The following QSOX1 variants were observed in gnomAD, a reference collection of about 807,000 sequenced individuals.
The protein encoded by QSOX1 is sulfhydryl oxidase 1.
In QSOX1, 40 loss-of-function variants were observed where a neutral mutation model predicts 76.1. That is an observed-to-expected ratio of 0.53 (90% CI 0.41 to 0.68). QSOX1 has a LOEUF of 0.68. QSOX1 is among the 30% of genes least tolerant of loss of function. QSOX1 has a pLI of 0.00. For synonymous variants in QSOX1, 392 were observed against 413.1 expected, an observed-to-expected ratio of 0.95 and a Z score of 0.62; for missense variants, 931 against 974.3, an observed-to-expected ratio of 0.96 and a Z score of 0.59.
chr1:180,186,118 G>C lies in QSOX1; in HGVS notation c.953G>C (p.Arg318Thr), dbSNP rs775364886. The C allele has an allele frequency of 6.2e-7, 1 of 1,614,240 alleles. No homozygotes were observed. The highest frequency in any genetic ancestry group is 8.5e-7 in the Non-Finnish European group (1 of 1,180,032). The change falls in exon 8 of 12, where the codon AGG becomes ACG. Residue 318 changes from arginine to threonine, a missense_variant. Physicochemically the swap from Arg to Thr is moderately conservative, Grantham distance 71. Coordinates refer to ENST00000367602, the MANE Select transcript of QSOX1 (RefSeq NM_002826.5). ...LHYILRIEVGRFPVLEGQRLV... is the reference protein window; with the variant it reads ...LHYILRIEVGTFPVLEGQRLV... ...TACATCCTGCGGATAGAAGTGGGCA[G>C]GTTCCCGGTCCTGGAAGGGCAGCGC...
At chr1:180,179,670 G>A (rs1662981480) in intron 5 of QSOX1, among the ~76,000 whole-genome samples, 1 of 152,236 alleles carries the variant, frequency 6.6e-6, no homozygotes, top group Non-Finnish European at 1.5e-5. Flanking sequence ...GCCAGTGCAC[G>A]GGAGATACTC....
chr1:180,175,491 C>A, intron 3 of QSOX1, 125 bp downstream of exon 3: 1 of 1,013,186 alleles, frequency 9.9e-7, no homozygotes, highest in Non-Finnish European at 1.6e-6. Context: ...GCGGTCCCCA[C>A]GGGAAGCCTA....
In QSOX1 at chr1:180,180,312, G is replaced by A. The variant is rs990871061; in HGVS notation, c.606+1428G>A. ...TGCAACCTCCACCTCCCAGGTTCAA[G>A]CATTTCTCCTTCCTCAGCCTCCCAA... is the stretch of plus-strand genomic sequence containing the variant. On this transcript the variant is annotated intron_variant, in intron 5 of 11. Transcript: ENST00000367602. Among the ~76,000 whole-genome samples, 6 of 152,316 alleles carry A rather than the reference G, an allele frequency of 3.9e-5. No homozygotes were observed. The East Asian group carries it at 1.2e-3, about 29-fold the overall frequency.
rs1355017690 is a variant in QSOX1, at chr1:180,192,898, A to G, written c.1289-1315A>G. Among the ~76,000 whole-genome samples, 4 of 152,178 alleles carry G rather than the reference A, an allele frequency of 2.6e-5. No homozygotes were observed. In the East Asian group the frequency reaches 7.7e-4, roughly 29 times the overall value. ...ACTGAATCCTGAGCATCAAACCACC[A>G]GCAAAGGAGGCTGAACGGGGGAGGC... is the stretch of plus-strand genomic sequence containing the variant. On this transcript the variant is annotated intron_variant, in intron 10 of 11. Transcript: ENST00000367602.
At chr1:180,189,810 A>G in intron 9 of QSOX1, 136 bp downstream of exon 9, 1 of 955,858 alleles carries the variant, frequency 1.0e-6, no homozygotes, top group Non-Finnish European at 1.5e-6. Flanking sequence ...CCTAACAATA[A>G]TCAATAAATG....
In QSOX1 at chr1:180,178,787, C is replaced by G. The variant is rs374697697; in HGVS notation, c.516-7C>G. On this transcript the variant is annotated splice_polypyrimidine_tract_variant and splice_region_variant and intron_variant, in intron 4 of 11. Transcript: ENST00000367602. ...TGCAGAGTGACTGCCAGAATTGTCT[C>G]TTGCAGGCTGGAGGAGATTGATGGA... 1.2e-6 allele frequency: 2 copies of G among 1,613,040 alleles called. No homozygotes were observed. The highest frequency in any genetic ancestry group is 2.7e-5 in the African/African-American group (2 of 75,030).
Position 180,198,372 on chromosome 1 carries a change from G to T in QSOX1, c.*1335G>T. 2.2e-6 allele frequency: 1 copy of T among 456,748 alleles called. No homozygotes were observed. Among genetic ancestry groups the T allele is most frequent in the Non-Finnish European group, 4.4e-6 (1 of 226,964 alleles). 28.3% of individuals were successfully genotyped at this position (456,748 alleles called of 1,614,324 possible). ...AAGGGCTTGTTTGTCAGAGCTGCAG[G>T]GTTGGCCACTCGGTGGGGAGGAGTC... On this transcript the variant is annotated 3_prime_UTR_variant, in exon 12 of 12. Transcript: ENST00000367602.
rs1468139079 is a variant in QSOX1 at position 180,197,177 on chromosome 1, T to A, written c.*140T>A. On this transcript the variant is annotated 3_prime_UTR_variant, in exon 12 of 12. Transcript: ENST00000367602. ...AATTCAGGAAAACGAGTTGCTCCAG[T>A]GAAGCTTCTTGGGGTTGCTAGGACA... The A allele has an allele frequency of 2.0e-5, 31 of 1,523,312 alleles. No individual in the cohort carries two copies. Among genetic ancestry groups the A allele is most frequent in the Non-Finnish European group, 2.6e-5 (30 of 1,139,570 alleles). The allele number at this position is 1,523,312 out of a possible 1,614,324, so 94.4% of individuals were successfully genotyped here.
At chr1:180,189,723 G>A in intron 9 of QSOX1, 49 bp downstream of exon 9, 1 of 1,589,188 alleles carries the variant, frequency 6.3e-7, no homozygotes, top group Non-Finnish European at 8.6e-7. Context: ...GTATTTATGA[G>A]AGTGCAAGGG....
intron 2 of QSOX1, among the ~76,000 whole-genome samples, chr1:180,171,528 G>T (rs1264475979): frequency 6.6e-6 from 1 of 152,240 alleles, no homozygotes; most frequent in Non-Finnish European, 1.5e-5. Flanking sequence ...GAGATGCAGA[G>T]GGTTCAGATG....
intron 8 of QSOX1, 78 bp downstream of exon 8, chr1:180,186,260 C>G: frequency 6.5e-7 from 1 of 1,531,842 alleles, no homozygotes; most frequent in Non-Finnish European, 8.8e-7. Context: ...CTGGGCACCC[C>G]GTCAGCCCCT....
chr1:180,181,419 C>T (rs1663032274), intron 5 of QSOX1, among the ~76,000 whole-genome samples: 1 of 152,138 alleles, frequency 6.6e-6, no homozygotes, highest in Non-Finnish European at 1.5e-5. Flanking sequence ...CAGAGAGCCC[C>T]ACGTTAAGAA....
chr1:180,198,239 C>T lies in QSOX1; in HGVS notation c.*1202C>T. ...GGAGACAGGCCTCTGGATGTGCAGC[C>T]TTGCCACCCCCTGCCCCAATCCTCC... On this transcript the variant is annotated 3_prime_UTR_variant, in exon 12 of 12. Coordinates refer to ENST00000367602, the MANE Select transcript of QSOX1 (RefSeq NM_002826.5). 2.2e-6 allele frequency: 1 copy of T among 456,728 alleles called. No homozygotes were observed. Among genetic ancestry groups the T allele is most frequent in the Non-Finnish European group, 4.4e-6 (1 of 226,958 alleles). 28.3% of individuals were successfully genotyped at this position (456,728 alleles called of 1,614,324 possible). A position where few individuals can be genotyped will look rare whatever the true frequency, so the allele number is the denominator to read the frequency against.
intron 1 of QSOX1, among the ~76,000 whole-genome samples, chr1:180,164,439 C>T (rs989186558): frequency 9.2e-5 from 14 of 152,254 alleles, no homozygotes; most frequent in Non-Finnish European, 1.8e-4. Context: ...CTCCCTCCTT[C>T]GAGGAGTCCA....
rs1166770684 is a variant in QSOX1 at position 180,199,982 on chromosome 1, T to TG, written c.*2950dup. The TG allele has an allele frequency of 7.0e-6, 1 of 143,662 alleles. No individual in the cohort carries two copies. Among genetic ancestry groups the TG allele is most frequent in the Non-Finnish European group, 1.5e-5 (1 of 65,522 alleles). 8.9% of individuals were successfully genotyped at this position (143,662 alleles called of 1,614,324 possible). On this transcript the variant is annotated 3_prime_UTR_variant, in exon 12 of 12. Coordinates refer to ENST00000367602, the MANE Select transcript of QSOX1 (RefSeq NM_002826.5). Reference sequence around the variant, plus strand: ...CCTGATGCAGCCTGTCCTCTGGGTGTGGGGGTGGAGGAGAGGGCTCCAGGG... The same window carrying TG: ...CCTGATGCAGCCTGTCCTCTGGGTGTGGGGGGTGGAGGAGAGGGCTCCAGGG...
chr1:180,164,364 A>G (rs1291921466), intron 1 of QSOX1, among the ~76,000 whole-genome samples: 2 of 152,168 alleles, frequency 1.3e-5, no homozygotes, highest in Non-Finnish European at 2.9e-5. Flanking sequence ...ACTCTGCTAA[A>G]TACTTTTGAC....
At chr1:180,168,839 G>A (rs149653083) in intron 2 of QSOX1, among the ~76,000 whole-genome samples, 23 of 152,326 alleles carry the variant, frequency 1.5e-4, no homozygotes, top group Non-Finnish European at 2.5e-4. Flanking sequence ...GACTGCTGGT[G>A]GGCCAGAGAC....
chr1:180,181,153 C>T (rs941780169), intron 5 of QSOX1, among the ~76,000 whole-genome samples: 13 of 152,054 alleles, frequency 8.5e-5, no homozygotes, highest in Non-Finnish European at 1.5e-4. Context: ...TTAGCTAGTG[C>T]TTTCTCTTTA....
chr1:180,190,703 G>A (rs918338633), intron 10 of QSOX1, 123 bp downstream of exon 10: 104 of 1,253,616 alleles, frequency 8.3e-5, no homozygotes, highest in Non-Finnish European at 1.0e-4. Context: ...CCAGAAGATG[G>A]GGAGAGTCAG....
Sources: gnomAD v4.1 joint callset for allele counts (sites outside exome capture counted in the v4.1 genomes callset) on GRCh38, gnomAD v4.1.1 for gene constraint, MANE v1.5 for transcripts, NCBI Gene and HGNC (gene_info 2026-07-23, HGNC 2026-07-21) for gene names.